Variants in GRHL2 observed in about 807,000 individuals in gnomAD.
GRHL2 encodes the protein grainyhead like transcription factor 2, also known as grainyhead-like protein 2 homolog.
In GRHL2, 21 loss-of-function variants were observed where a neutral mutation model predicts 83.8. The observed-to-expected ratio is 0.25, with a 90% confidence interval of 0.18 to 0.36. GRHL2 has a LOEUF of 0.36. GRHL2 is among the 10% of genes least tolerant of loss of function. The pLI, the probability that GRHL2 is intolerant of heterozygous loss-of-function variation, is 1.00. For missense variants in GRHL2, 623 were observed against 781.8 expected (o/e 0.80, Z 2.42); for synonymous variants, 280 against 278.9 (o/e 1.00, Z -0.04).
At chr8:101,619,050 G>A (rs1812911137) in intron 8 of GRHL2, among the ~76,000 whole-genome samples, 1 of 152,108 alleles carries the variant, frequency 6.6e-6, no homozygotes, top group Non-Finnish European at 1.5e-5. Context: ...TCAGGAGACT[G>A]AGACCATCCT....
Position 101,581,965 on chromosome 8 carries a change from C to T in GRHL2, c.1003+4446C>T, listed in dbSNP as rs534524657. On this transcript the variant is annotated intron_variant, in intron 7 of 15. Coordinates refer to ENST00000646743, the MANE Select transcript of GRHL2 (RefSeq NM_024915.4). The stretch of plus-strand genomic sequence containing the variant: ...AAAAAAGTGGGACTGAAGCTGGGCG[C>T]AGTGGCTCACGCCTCTAATCTTAGC... Among the ~76,000 whole-genome samples the T allele has an allele frequency of 3.0e-4, 45 of 152,368 alleles. No individual in the cohort carries two copies. The South Asian group carries it at 8.7e-3, about 29-fold the overall frequency.
At chr8:101,509,109 CCTTCCTTCCT>C (rs1810399069) in intron 1 of GRHL2, among the ~76,000 whole-genome samples, 1 of 42,162 alleles carries the variant, frequency 2.4e-5, no homozygotes, top group Non-Finnish European at 5.5e-5. Context: ...TTCTTTCTCT[CCTTCCTTCCT>C]TCCTTCCTTC....
At chr8:101,539,597 T>C (rs1811110740) in intron 1 of GRHL2, among the ~76,000 whole-genome samples, 2 of 152,208 alleles carry the variant, frequency 1.3e-5, no homozygotes, top group Admixed American at 6.5e-5. Flanking sequence ...CCTGCATATT[T>C]AGAAGTTTTC....
chr8:101,675,780 G>C, the GRHL2 span, among the ~76,000 whole-genome samples: 1 of 148,710 alleles, frequency 6.7e-6, no homozygotes, highest in Non-Finnish European at 1.5e-5. Flanking sequence ...GAACAAAGCC[G>C]GAGGCATCAC....
chr8:101,542,652 A>G (rs1811178765), intron 1 of GRHL2: 2 of 418,350 alleles, frequency 4.8e-6, no homozygotes, highest in Admixed American at 2.6e-5. Context: ...GTTTTAGTCA[A>G]TTTTGTGCTG....
intron 14 of GRHL2, among the ~76,000 whole-genome samples, chr8:101,657,841 A>AAAAG (rs1813829839): frequency 6.6e-6 from 1 of 151,878 alleles, no homozygotes; most frequent in African/African-American, 2.4e-5. Flanking sequence ...CAAAAAAAAA[A>AAAAG]AAGACAGAAA....
chr8:101,634,861 G>T (rs1813255797), intron 11 of GRHL2, among the ~76,000 whole-genome samples: 1 of 152,104 alleles, frequency 6.6e-6, no homozygotes, highest in Non-Finnish European at 1.5e-5. Flanking sequence ...AAACTAGTAT[G>T]AAGGAATAAA....
chr8:101,553,237 C>T (rs576853671), intron 3 of GRHL2, among the ~76,000 whole-genome samples: 70 of 152,334 alleles, frequency 4.6e-4, no homozygotes, highest in Non-Finnish European at 7.8e-4. Context: ...TAAGGGCTAT[C>T]GCTGTCAGGG....
chr8:101,582,531 G>A (rs1172009869), intron 7 of GRHL2, among the ~76,000 whole-genome samples: 1 of 152,202 alleles, frequency 6.6e-6, no homozygotes, highest in Non-Finnish European at 1.5e-5. Flanking sequence ...TGTGTCACAG[G>A]CTGAAGCCTT....
chr8:101,599,107 T>C lies in GRHL2; in HGVS notation c.1054T>C (p.Tyr352His). 1.2e-6 allele frequency: 2 copies of C among 1,613,722 alleles called. No individual in the cohort carries two copies. The highest frequency in any genetic ancestry group is 1.7e-6 in the Non-Finnish European group (2 of 1,179,594). Residue 352 changes from tyrosine to histidine, a missense_variant, in exon 8 of 16, where the codon TAT becomes CAT. This residue lies in a region of GRHL2 where 96 missense variants were observed against 144.8 expected (regional missense o/e 0.66). Coordinates refer to ENST00000646743, the MANE Select transcript of GRHL2 (RefSeq NM_024915.4). ...NTIGNIEEIA[Y>H]NAVSFTWDVN... ...GATTGGAAACATTGAAGAGATTGCATATAATGCTGTTTCCTTTACCTGGGA... is the reference window on the plus strand; with the variant it reads ...GATTGGAAACATTGAAGAGATTGCACATAATGCTGTTTCCTTTACCTGGGA...
In GRHL2 at chr8:101,612,520, G is replaced by GATAGATAGATACATATATAC. The variant is rs371662487; in HGVS notation, c.1099-7016_1099-7015insGATAGATACATATATACATA. Among the ~76,000 whole-genome samples the GATAGATAGATACATATATAC allele has an allele frequency of 2.4e-5, 3 of 123,774 alleles. No homozygotes were observed. In the East Asian group the frequency reaches 7.1e-4, roughly 29 times the overall value. The allele number at this position is 123,774 out of a possible 152,430, so 81.2% of individuals were successfully genotyped here. ...AGATAGATAGATAGATAGATAGATA[G>GATAGATAGATACATATATAC]ATACATACATACATACATACATACA... On this transcript the variant is annotated intron_variant, in intron 8 of 15. Coordinates refer to ENST00000646743, the MANE Select transcript of GRHL2 (RefSeq NM_024915.4).
intron 1 of GRHL2, among the ~76,000 whole-genome samples, chr8:101,538,060 C>T (rs867810563): frequency 1.3e-5 from 2 of 152,296 alleles, no homozygotes; most frequent in Non-Finnish European, 1.5e-5. Context: ...TGGTTTAGAA[C>T]GGGGTTTCCC....
intron 1 of GRHL2, among the ~76,000 whole-genome samples, chr8:101,512,273 T>C (rs186149030): frequency 2.0e-5 from 3 of 152,292 alleles, no homozygotes; most frequent in Admixed American, 2.0e-4. Context: ...AGAGTTGATA[T>C]CTTATTCACA....
chr8:101,609,701 G>C (rs1347261235), intron 8 of GRHL2, among the ~76,000 whole-genome samples: 1 of 150,914 alleles, frequency 6.6e-6, no homozygotes, highest in African/African-American at 2.5e-5. Flanking sequence ...AAAAAAGCAA[G>C]ATGCAGACCT....
intron 6 of GRHL2, among the ~76,000 whole-genome samples, chr8:101,575,986 A>G (rs1811925459): frequency 6.6e-6 from 1 of 152,226 alleles, no homozygotes; most frequent in African/African-American, 2.4e-5. Context: ...TCTTGTGTAA[A>G]AATTGTTTAC....
chr8:101,663,639 A>AATTAATT (rs1563633240), intron 14 of GRHL2, among the ~76,000 whole-genome samples: 10 of 124,804 alleles, frequency 8.0e-5, no homozygotes, highest in South Asian at 2.8e-4. Context: ...ATAAATAAAT[A>AATTAATT]AATAAAAATA....
At chr8:101,512,808 G>A (rs1413350427) in intron 1 of GRHL2, among the ~76,000 whole-genome samples, 2 of 152,126 alleles carry the variant, frequency 1.3e-5, no homozygotes, top group African/African-American at 4.8e-5. Context: ...TTGTCTTAGT[G>A]CAATCAGACT....
At chr8:101,678,493 G>C in the GRHL2 span, among the ~76,000 whole-genome samples, 1 of 151,140 alleles carries the variant, frequency 6.6e-6, no homozygotes, top group East Asian at 1.9e-4. Flanking sequence ...CAAGGTGGCA[G>C]CGAGGCTGGG....
In GRHL2 at chr8:101,640,711, C is replaced by A. The variant is rs370478686; in HGVS notation, c.1518-3420C>A. Among the ~76,000 whole-genome samples, 4 of 152,192 alleles carry A rather than the reference C, an allele frequency of 2.6e-5. No individual in the cohort carries two copies. The East Asian group carries it at 5.8e-4, about 22-fold the overall frequency. On this transcript the variant is annotated intron_variant, in intron 12 of 15. Coordinates refer to ENST00000646743, the MANE Select transcript of GRHL2 (RefSeq NM_024915.4). ...AGCTTGCAGCAAGGTCCCTTCAAGT[C>A]AAGCAGCTCTGTGGCTTCTACACTG...
Sources: allele counts gnomAD v4.1 joint callset (sites outside exome capture counted in the v4.1 genomes callset), GRCh38; gene constraint gnomAD v4.1.1; regional missense constraint gnomAD v4.1.1; transcripts MANE v1.5; gene names NCBI Gene and HGNC (gene_info 2026-07-23, HGNC 2026-07-21).